RAB38: variants seen among roughly 807,000 people sequenced by gnomAD.
RAB38 encodes ras-related protein Rab-38.
In RAB38, 15 loss-of-function variants were observed where a neutral mutation model predicts 18.4. That is an observed-to-expected ratio of 0.82 (90% CI 0.55 to 1.26). The LOEUF is 1.26. RAB38 is among the 50% of genes most tolerant of loss of function. The pLI is 0.00. For synonymous variants in RAB38, 101 were observed against 104.4 expected (o/e 0.97, Z 0.20); for missense variants, 294 against 267.4 (o/e 1.10, Z -0.69).
At chr11:87,941,214 GATATATATATATATATATAT>G in the RAB38 span, among the ~76,000 whole-genome samples, 18 of 62,538 alleles carry the variant, frequency 2.9e-4, 1 homozygote, top group African/African-American at 7.6e-4. Context: ...AAATATATGA[GATATATATATATATATATAT>G]ATATATATAT....
chr11:87,898,632 G>A, the RAB38 span, among the ~76,000 whole-genome samples: 2 of 151,628 alleles, frequency 1.3e-5, no homozygotes, highest in East Asian at 3.9e-4. Flanking sequence ...ATACAACATT[G>A]TGCATTATTT....
chr11:88,009,519 G>T, the RAB38 span, among the ~76,000 whole-genome samples: 1 of 152,160 alleles, frequency 6.6e-6, no homozygotes, highest in Non-Finnish European at 1.5e-5. Flanking sequence ...GAAAGGCATA[G>T]ACAGAAACCA....
intron 2 of RAB38, among the ~76,000 whole-genome samples, chr11:88,120,669 A>G (rs1425260322): frequency 6.6e-6 from 1 of 152,180 alleles, no homozygotes; most frequent in Non-Finnish European, 1.5e-5. Context: ...TGTCCCTCTG[A>G]CAATGCCTCC....
chr11:87,823,990 C>T, the RAB38 span, among the ~76,000 whole-genome samples: 3 of 152,002 alleles, frequency 2.0e-5, no homozygotes, highest in Non-Finnish European at 2.9e-5. Flanking sequence ...AAATTAAAGG[C>T]TTTAGTTTTT....
the RAB38 span, among the ~76,000 whole-genome samples, chr11:87,806,487 T>C: frequency 6.6e-6 from 1 of 152,302 alleles, no homozygotes; most frequent in African/African-American, 2.4e-5. Flanking sequence ...CATTCTCTAA[T>C]ACTGTTACAT....
the RAB38 span, among the ~76,000 whole-genome samples, chr11:87,886,116 G>A: frequency 6.6e-6 from 1 of 151,916 alleles, no homozygotes; most frequent in East Asian, 2.0e-4. Flanking sequence ...TTCTTTGTTC[G>A]ATCACCAATA....
chr11:87,938,586 T>C, the RAB38 span, among the ~76,000 whole-genome samples: 325 of 151,554 alleles, frequency 2.1e-3, 2 homozygotes, highest in African/African-American at 6.7e-3. Flanking sequence ...GAAAGGTTTT[T>C]TTTTCTTTCT....
At chr11:87,956,308 TAAAA>T in the RAB38 span, among the ~76,000 whole-genome samples, 3 of 152,176 alleles carry the variant, frequency 2.0e-5, no homozygotes, top group Admixed American at 6.5e-5. Flanking sequence ...GTTCTTATTA[TAAAA>T]TTACACAGAG....
chr11:87,874,546 G>A, the RAB38 span, among the ~76,000 whole-genome samples: 3 of 151,166 alleles, frequency 2.0e-5, no homozygotes, highest in African/African-American at 7.3e-5. Flanking sequence ...TATACCTAAT[G>A]TAAATGATGA....
At chr11:88,170,342 C>T (rs2134857826) in intron 1 of RAB38, among the ~76,000 whole-genome samples, 1 of 152,328 alleles carries the variant, frequency 6.6e-6, no homozygotes, top group Non-Finnish European at 1.5e-5. Context: ...TTGACACACT[C>T]ATCGCCAAAT....
the RAB38 span, among the ~76,000 whole-genome samples, chr11:87,853,705 A>G: frequency 6.6e-6 from 1 of 152,232 alleles, no homozygotes; most frequent in Non-Finnish European, 1.5e-5. Context: ...TCAGTTCAGA[A>G]AAGTCTTGAA....
At chr11:87,889,710 C>T in the RAB38 span, among the ~76,000 whole-genome samples, 1 of 151,808 alleles carries the variant, frequency 6.6e-6, no homozygotes, top group Admixed American at 6.6e-5. Context: ...AGGTTTGAAT[C>T]CAGAGTTTTT....
At chr11:88,005,553 G>A in the RAB38 span, among the ~76,000 whole-genome samples, 1 of 150,214 alleles carries the variant, frequency 6.7e-6, no homozygotes, top group South Asian at 2.1e-4. Context: ...TTGTCTCTTT[G>A]CTCTGTTCAT....
the RAB38 span, among the ~76,000 whole-genome samples, chr11:88,102,719 A>G: frequency 9.2e-5 from 14 of 152,064 alleles, no homozygotes. Context: ...GAATGTAGGC[A>G]GTGTCATTTC....
chr11:87,978,022 TAC>T, the RAB38 span, among the ~76,000 whole-genome samples: 4 of 91,818 alleles, frequency 4.4e-5, no homozygotes, highest in East Asian at 1.1e-3. Flanking sequence ...TATAAATATA[TAC>T]TTACACATAC....
chr11:87,845,884 G>A, the RAB38 span, among the ~76,000 whole-genome samples: 54 of 152,094 alleles, frequency 3.6e-4, no homozygotes, highest in Non-Finnish European at 1.3e-4. Context: ...TTAAAGTACC[G>A]AAAGTCAAAA....
At chr11:87,845,384 TCAA>T in the RAB38 span, among the ~76,000 whole-genome samples, 1 of 151,296 alleles carries the variant, frequency 6.6e-6, no homozygotes, top group Non-Finnish European at 1.5e-5. Flanking sequence ...TAAGAAAAAC[TCAA>T]CAAGAAATAA....
chr11:87,957,072 A>G, the RAB38 span, among the ~76,000 whole-genome samples: 6 of 152,136 alleles, frequency 3.9e-5, no homozygotes, highest in South Asian at 1.0e-3. Context: ...TCTCTTATGA[A>G]TCTGTCTATT....
At chr11:88,144,932 A>T (rs1942963027) in intron 2 of RAB38, among the ~76,000 whole-genome samples, 1 of 152,028 alleles carries the variant, frequency 6.6e-6, no homozygotes, top group Non-Finnish European at 1.5e-5. Context: ...CACCTGATCC[A>T]CTCCATTATG....
Sources: allele counts gnomAD v4.1 joint callset (sites outside exome capture counted in the v4.1 genomes callset), GRCh38; gene constraint gnomAD v4.1.1; transcripts MANE v1.5; gene names NCBI Gene and HGNC (gene_info 2026-07-23, HGNC 2026-07-21).